The following SYNPR variants were observed in gnomAD, a reference collection of about 807,000 sequenced individuals.
SYNPR encodes synaptoporin.
Under a neutral mutation model 32.9 loss-of-function variants are expected in SYNPR, and 23 were observed. That is an observed-to-expected ratio of 0.70 (90% CI 0.50 to 0.99). The LOEUF (loss-of-function observed/expected upper bound fraction) is 0.99, where lower values mean the gene tolerates loss of function less well. Among genes scored for constraint, SYNPR ranks in the 50% least tolerant of loss-of-function variants. The probability of loss-of-function intolerance (pLI) is 0.00; values close to 1 mark genes in which losing one functional copy is unlikely to be tolerated. For missense variants in SYNPR, 318 were observed against 349.3 expected, an observed-to-expected ratio of 0.91 and a Z score of 0.71; for synonymous variants, 146 against 135.9, an observed-to-expected ratio of 1.07 and a Z score of -0.52.
intron 2 of SYNPR, among the ~76,000 whole-genome samples, chr3:63,473,119 G>T (rs1222254262): frequency 6.6e-6 from 1 of 152,102 alleles, no homozygotes; most frequent in Non-Finnish European, 1.5e-5. Context: ...TTGCTCATTT[G>T]TGTGTCTTTG....
the SYNPR span, among the ~76,000 whole-genome samples, chr3:63,219,014 A>C: frequency 6.6e-6 from 1 of 152,232 alleles, no homozygotes; most frequent in Non-Finnish European, 1.5e-5. Context: ...GAGTCTAGTG[A>C]GAGAGACATC....
chr3:63,414,277 C>A (rs1053104470), intron 2 of SYNPR, among the ~76,000 whole-genome samples: 1 of 152,032 alleles, frequency 6.6e-6, no homozygotes, highest in Non-Finnish European at 1.5e-5. Flanking sequence ...TTTTTTCTTA[C>A]AAATGTAAAA....
chr3:63,602,207 G>C (rs1461663811), intron 4 of SYNPR, among the ~76,000 whole-genome samples: 1 of 151,994 alleles, frequency 6.6e-6, no homozygotes, highest in Non-Finnish European at 1.5e-5. Context: ...TTTTTTGATT[G>C]TTGATTTGTT....
chr3:63,317,756 A>G (rs1027627906), intron 2 of SYNPR, among the ~76,000 whole-genome samples: 1 of 151,878 alleles, frequency 6.6e-6, no homozygotes, highest in African/African-American at 2.4e-5. Context: ...GTGAGGTACC[A>G]TTGCTTTCAT....
At chr3:63,230,117 T>G (rs185458448) in intron 1 of SYNPR, among the ~76,000 whole-genome samples, 9 of 152,274 alleles carry the variant, frequency 5.9e-5, no homozygotes, top group Non-Finnish European at 1.3e-4. Flanking sequence ...CTCTTGCATG[T>G]TTCAATGGGT....
At chr3:63,541,711 T>C (rs977159048) in intron 3 of SYNPR, among the ~76,000 whole-genome samples, 25 of 152,152 alleles carry the variant, frequency 1.6e-4, no homozygotes, top group Non-Finnish European at 3.1e-4. Context: ...ACTATGAATA[T>C]TGGCATAGGC....
intron 4 of SYNPR, among the ~76,000 whole-genome samples, chr3:63,597,396 T>C (rs1444909159): frequency 2.6e-5 from 4 of 152,316 alleles, no homozygotes; most frequent in Non-Finnish European, 4.4e-5. Context: ...GGTATACCAT[T>C]GCTTACTTGA....
intron 2 of SYNPR, among the ~76,000 whole-genome samples, chr3:63,437,865 TC>T (rs1700112639): frequency 6.6e-6 from 1 of 152,050 alleles, no homozygotes; most frequent in Non-Finnish European, 1.5e-5. Flanking sequence ...TATTAGCACC[TC>T]CCATTAGGAT....
In SYNPR at chr3:63,551,507, C is replaced by T. The variant is rs578215415; in HGVS notation, c.210-5036C>T. On this transcript the variant is annotated intron_variant, in intron 3 of 5. Transcript: ENST00000478300. ...ACCTGAAAAACTGCCAGACTGTTTT[C>T]CAAAGTGGCTGCATCATTTTACATT... Among the ~76,000 whole-genome samples, 3 of 152,264 alleles carry T rather than the reference C, an allele frequency of 2.0e-5. No homozygotes were observed. The East Asian group carries it at 5.8e-4, about 29-fold the overall frequency.
intron 2 of SYNPR, among the ~76,000 whole-genome samples, chr3:63,413,641 C>T (rs1487176638): frequency 6.6e-6 from 1 of 152,170 alleles, no homozygotes. Flanking sequence ...TAAGCTAGAA[C>T]TTTAAATAGC....
At chr3:63,382,735 T>C (rs1387845251) in intron 2 of SYNPR, among the ~76,000 whole-genome samples, 4 of 152,196 alleles carry the variant, frequency 2.6e-5, no homozygotes, top group African/African-American at 9.7e-5. Flanking sequence ...TTATATATAA[T>C]TTCTAGGGTT....
At chr3:63,350,864 C>A (rs1247176601) in intron 2 of SYNPR, among the ~76,000 whole-genome samples, 1 of 152,138 alleles carries the variant, frequency 6.6e-6, no homozygotes, top group Non-Finnish European at 1.5e-5. Context: ...GCCCCCGAGC[C>A]CATCAGTTAG....
intron 2 of SYNPR, among the ~76,000 whole-genome samples, chr3:63,397,150 G>A (rs1023533331): frequency 6.6e-6 from 1 of 151,968 alleles, no homozygotes; most frequent in African/African-American, 2.4e-5. Flanking sequence ...ATGGTGATGG[G>A]GAAGGGAGGA....
the SYNPR span, among the ~76,000 whole-genome samples, chr3:63,219,865 G>A: frequency 6.6e-6 from 1 of 152,150 alleles, no homozygotes; most frequent in African/African-American, 2.4e-5. Flanking sequence ...GGATGTGGAA[G>A]GGGAGGCAAG....
At chr3:63,316,508 T>C (rs1423357740) in intron 2 of SYNPR, among the ~76,000 whole-genome samples, 3 of 152,052 alleles carry the variant, frequency 2.0e-5, no homozygotes, top group Non-Finnish European at 4.4e-5. Context: ...CTAGGTTTTC[T>C]AGTTTATGGG....
chr3:63,412,701 A>G (rs751735571), intron 2 of SYNPR, among the ~76,000 whole-genome samples: 3 of 152,150 alleles, frequency 2.0e-5, no homozygotes, highest in Admixed American at 6.6e-5. Context: ...AATCATCAAT[A>G]TTAAATTTGG....
At chr3:63,269,958 G>A (rs896647437) in intron 3 of SYNPR, among the ~76,000 whole-genome samples, 1 of 152,150 alleles carries the variant, frequency 6.6e-6, no homozygotes, top group Non-Finnish European at 1.5e-5. Context: ...AGAGCATTAG[G>A]TAAGGCTTCT....
chr3:63,504,787 C>T (rs187564750), intron 3 of SYNPR, among the ~76,000 whole-genome samples: 21 of 152,002 alleles, frequency 1.4e-4, no homozygotes, highest in Admixed American at 9.2e-4. Flanking sequence ...CAAAGACTAT[C>T]GAGGTTAATG....
intron 2 of SYNPR, among the ~76,000 whole-genome samples, chr3:63,469,038 C>T (rs560341757): frequency 6.6e-6 from 1 of 151,922 alleles, no homozygotes; most frequent in East Asian, 1.9e-4. Flanking sequence ...TTCTAAATTG[C>T]TCTATGGATA....
Sources: allele counts gnomAD v4.1 joint callset (sites outside exome capture counted in the v4.1 genomes callset), GRCh38; gene constraint gnomAD v4.1.1; transcripts MANE v1.5; gene names NCBI Gene and HGNC (gene_info 2026-07-23, HGNC 2026-07-21).